Variants in TPCN1 observed in about 807,000 individuals in gnomAD.
The protein encoded by TPCN1 is two pore segment channel 1.
Under a neutral mutation model 108.8 loss-of-function variants are expected in TPCN1, and 52 were observed. The ratio of observed to expected loss-of-function variants is 0.48; its 90% confidence interval spans 0.38 to 0.60. The LOEUF (loss-of-function observed/expected upper bound fraction) is 0.60, where lower values mean the gene tolerates loss of function less well. TPCN1 is among the 20% of genes least tolerant of loss of function. TPCN1 has a pLI of 0.00. For synonymous variants in TPCN1, 446 were observed against 433.7 expected (o/e 1.03, Z -0.35); for missense variants, 806 against 1,072.8 (o/e 0.75, Z 3.47).
At chr12:113,256,839 T>C (rs1028454916) in intron 2 of TPCN1, among the ~76,000 whole-genome samples, 5 of 152,208 alleles carry the variant, frequency 3.3e-5, no homozygotes, top group Admixed American at 3.3e-4. Flanking sequence ...TTCTTAGATA[T>C]GATATCAAAA....
chr12:113,267,781 G>A lies in TPCN1; in HGVS notation c.415-62G>A, dbSNP rs1955324674. On this transcript the variant is annotated intron_variant, in intron 4 of 27. Coordinates refer to ENST00000335509, the MANE Select transcript of TPCN1 (RefSeq NM_017901.6). ...CACTCCCAGGTCCTGGGAGGGTTGG[G>A]CAAAGAGGAGTGGCCATGGGCTGGG... 4.3e-6 allele frequency: 5 copies of A among 1,166,688 alleles called. No individual in the cohort carries two copies. The South Asian group carries it at 6.1e-5, about 14-fold the overall frequency. 72.3% of individuals were successfully genotyped at this position (1,166,688 alleles called of 1,614,324 possible). A position where few individuals can be genotyped will look rare whatever the true frequency, so the allele number is the denominator to read the frequency against.
chr12:113,258,420 C>A (rs1223505328), intron 2 of TPCN1, among the ~76,000 whole-genome samples: 1 of 152,058 alleles, frequency 6.6e-6, no homozygotes, highest in Non-Finnish European at 1.5e-5. Flanking sequence ...GAGCTGAGAT[C>A]ACGCCATTGC....
rs2136793987 is a variant in TPCN1 at position 113,296,048 on chromosome 12, G to C, written c.2423G>C (p.Ser808Thr). ...AAPAAQQPPG[S>T]RQRSQTVT ...CCCGCCGCCCAGCAGCCCCCAGGCA[G>C]CCGCCAGCGCTCCCAGACCGTTACC... The change falls in exon 28 of 28, where the codon AGC (serine) becomes ACC (threonine). Residue 808 changes from serine (S) to threonine (T), a missense_variant. Ser to Thr is a moderately conservative substitution (Grantham distance 58). Coordinates refer to ENST00000335509, the MANE Select transcript of TPCN1 (RefSeq NM_017901.6). 1 of 1,613,280 alleles carries C rather than the reference G, an allele frequency of 6.2e-7. No individual in the cohort carries two copies. The highest frequency in any genetic ancestry group is 8.5e-7 in the Non-Finnish European group (1 of 1,179,860).
intron 15 of TPCN1, among the ~76,000 whole-genome samples, chr12:113,283,767 G>A (rs1955972173): frequency 1.3e-5 from 2 of 152,156 alleles, no homozygotes; most frequent in South Asian, 4.1e-4. Flanking sequence ...TTGACCTCCT[G>A]GGTTCAAACG....
Position 113,268,047 on chromosome 12 carries a change from C to T in TPCN1, c.528+91C>T. ...CTCTTTGGTACAATTCAGAATCCAC[C>T]ATGGGCCCAGTCCATGCTCAGAGGT... On this transcript the variant is annotated intron_variant, in intron 5 of 27. Coordinates refer to ENST00000335509, the MANE Select transcript of TPCN1 (RefSeq NM_017901.6). This position sits in a 1 kb window ranked among gnomAD's most constrained non-coding sequence, Gnocchi z 7.3. 1 of 936,000 alleles carries T rather than the reference C, an allele frequency of 1.1e-6. No homozygotes were observed. The highest frequency in any genetic ancestry group is 1.7e-6 in the Non-Finnish European group (1 of 594,048). The allele number at this position is 936,000 out of a possible 1,614,324, so 58.0% of individuals were successfully genotyped here.
At chr12:113,260,240 T>C in intron 2 of TPCN1, 128 bp from the exon 3 acceptor site, 5 of 1,060,948 alleles carry the variant, frequency 4.7e-6, no homozygotes, top group East Asian at 2.9e-5. Context: ...AGCATGGAGG[T>C]TGATTTGAAG....
At position 113,284,666 on chromosome 12, in the gene TPCN1, C is replaced by T. The variant is rs763574351; in HGVS notation, c.1399+29C>T. 1.9e-6 allele frequency: 3 copies of T among 1,614,106 alleles called. No individual in the cohort carries two copies. Among genetic ancestry groups the T allele is most frequent in the East Asian group, 2.2e-5 (1 of 44,902 alleles). Reference sequence around the variant, plus strand: ...AGCCCCGCTCAGGGACTGGCCGTGTCCTGGCCGGCACACCTGGCTTACCTG... The same window carrying T: ...AGCCCCGCTCAGGGACTGGCCGTGTTCTGGCCGGCACACCTGGCTTACCTG... On this transcript the variant is annotated intron_variant, in intron 16 of 27. Coordinates refer to ENST00000335509, the MANE Select transcript of TPCN1 (RefSeq NM_017901.6). The surrounding 1 kb of genome is among the most constrained non-coding windows in gnomAD (Gnocchi z 4.1).
intron 17 of TPCN1, among the ~76,000 whole-genome samples, chr12:113,285,162 T>C (rs182451052): frequency 5.4e-4 from 82 of 152,368 alleles, no homozygotes; most frequent in Admixed American, 1.5e-3. Context: ...GCTCTTTCCA[T>C]CAAGTCTGAG....
rs1374438624 is a variant in TPCN1 at position 113,288,976 on chromosome 12, T to C, written c.1796+129T>C. ...TCCTGTCTAAGCAACCACCTTGCTT[T>C]GCTTTCAGGGCTTAGTTGAGTGCAG... On this transcript the variant is annotated intron_variant, in intron 21 of 27. Transcript: ENST00000335509. This position sits in a 1 kb window ranked among gnomAD's most constrained non-coding sequence, Gnocchi z 4.8. 2 of 899,158 alleles carry C rather than the reference T, an allele frequency of 2.2e-6. No individual in the cohort carries two copies. Among genetic ancestry groups the C allele is most frequent in the African/African-American group, 3.3e-5 (2 of 61,324 alleles). 55.7% of individuals were successfully genotyped at this position (899,158 alleles called of 1,614,324 possible). A position where few individuals can be genotyped will look rare whatever the true frequency, so the allele number is the denominator to read the frequency against.
At chr12:113,258,141 T>C (rs1391394369) in intron 2 of TPCN1, among the ~76,000 whole-genome samples, 1 of 152,192 alleles carries the variant, frequency 6.6e-6, no homozygotes, top group Admixed American at 6.5e-5. Flanking sequence ...TACTGTTTAT[T>C]GTGGCACAAC....
chr12:113,268,901 C>T lies in TPCN1; in HGVS notation c.659+29C>T. The T allele has an allele frequency of 6.2e-7, 1 of 1,612,754 alleles. No individual in the cohort carries two copies. Among genetic ancestry groups the T allele is most frequent in the Non-Finnish European group, 8.5e-7 (1 of 1,179,488 alleles). ...AGGCCCGGGTGGGGAGCTGGGCAGT[C>T]ACTATCCTGGCATGGCCTGACCTCT... On this transcript the variant is annotated intron_variant, in intron 6 of 27. Transcript: ENST00000335509. This position sits in a 1 kb window ranked among gnomAD's most constrained non-coding sequence, Gnocchi z 7.3.
intron 14 of TPCN1, 118 bp downstream of exon 14, chr12:113,278,953 T>G: frequency 1.1e-6 from 1 of 875,948 alleles, no homozygotes; most frequent in African/African-American, 1.7e-5. Context: ...TGTGTTTGTC[T>G]GAATGCCTGT....
rs960106675 is a variant in TPCN1, at chr12:113,222,068, G to A, written c.-126+442G>A. On this transcript the variant is annotated intron_variant, in intron 1 of 27. Transcript: ENST00000335509. ...CTGGCCAGTTGGGTCCTCTGTAGAGGCAGAAGCAAAGCCCGCGGAGGGAAC... is the reference window on the plus strand; with the variant it reads ...CTGGCCAGTTGGGTCCTCTGTAGAGACAGAAGCAAAGCCCGCGGAGGGAAC... Among the ~76,000 whole-genome samples, 6 of 152,164 alleles carry A rather than the reference G, an allele frequency of 3.9e-5. No homozygotes were observed. In the South Asian group the frequency reaches 6.2e-4, roughly 16 times the overall value.
chr12:113,229,638 G>A (rs1447103350), intron 2 of TPCN1, among the ~76,000 whole-genome samples: 2 of 152,212 alleles, frequency 1.3e-5, no homozygotes, highest in Non-Finnish European at 2.9e-5. Context: ...ACAGGCGTGA[G>A]CCACTACACC....
chr12:113,275,456 C>T (rs1262879742), intron 10 of TPCN1, among the ~76,000 whole-genome samples: 1 of 152,072 alleles, frequency 6.6e-6, no homozygotes, highest in African/African-American at 2.4e-5. Flanking sequence ...GTTGGTCAGG[C>T]TGGTCTCGAA....
chr12:113,290,430 A>G (rs1163429706), intron 22 of TPCN1, among the ~76,000 whole-genome samples, 187 bp downstream of exon 22: 1 of 152,150 alleles, frequency 6.6e-6, no homozygotes, highest in East Asian at 1.9e-4. Flanking sequence ...CCTGGAGCTC[A>G]CTCAGTTGCC....
At position 113,269,916 on chromosome 12, in the gene TPCN1, G is replaced by A; in HGVS notation, c.748+71G>A. 6.5e-7 allele frequency: 1 copy of A among 1,543,314 alleles called. No homozygotes were observed. The highest frequency in any genetic ancestry group is 8.9e-7 in the Non-Finnish European group (1 of 1,122,206). On this transcript the variant is annotated intron_variant, in intron 7 of 27. Coordinates refer to ENST00000335509, the MANE Select transcript of TPCN1 (RefSeq NM_017901.6). This position sits in a 1 kb window ranked among gnomAD's most constrained non-coding sequence, Gnocchi z 5.0. ...CACGGTGGATGAAAAATTATTTTGG[G>A]CCTGGCTCAGTGGCTCACGCCTGTA... is the stretch of plus-strand genomic sequence containing the variant.
chr12:113,284,758 C>T lies in TPCN1; in HGVS notation c.1440C>T (p.Leu480=), dbSNP rs761334911. The change falls in exon 17 of 28, where the codon CTC becomes CTT. Residue 480 remains leucine (L), a synonymous_variant. Transcript: ENST00000335509. The surrounding 1 kb of genome is among the most constrained non-coding windows in gnomAD (Gnocchi z 4.1). ...CCAAGCACGTGCCCTGGAGTTACCT[C>T]GTCTTTCTAACTAGTACGTTTCCGA... is the stretch of plus-strand genomic sequence containing the variant. ...FFSKHVPWSY[L]VFLTIYGVEL... The T allele has an allele frequency of 5.6e-6, 9 of 1,614,110 alleles. No individual in the cohort carries two copies. Among genetic ancestry groups the T allele is most frequent in the Admixed American group, 1.7e-5 (1 of 60,012 alleles).
intron 2 of TPCN1, 116 bp from the exon 3 acceptor site, chr12:113,260,252 T>C (rs1248733899): frequency 8.4e-7 from 1 of 1,185,468 alleles, no homozygotes; most frequent in African/African-American, 1.6e-5. Flanking sequence ...GATTTGAAGA[T>C]GACGGGATGT....
Sources: gnomAD v4.1 joint callset for allele counts (sites outside exome capture counted in the v4.1 genomes callset) on GRCh38, gnomAD v4.1.1 for gene constraint, Gnocchi (gnomAD v3.1) non-coding constraint, MANE v1.5 for transcripts, NCBI Gene and HGNC (gene_info 2026-07-23, HGNC 2026-07-21) for gene names.